Variants in KDR observed in about 807,000 individuals in gnomAD.
The protein encoded by KDR is vascular endothelial growth factor receptor 2.
A neutral mutation model predicts 160.9 loss-of-function variants in KDR; 43 were observed. That is an observed-to-expected ratio of 0.27 (90% CI 0.21 to 0.34). The LOEUF (loss-of-function observed/expected upper bound fraction) is 0.34, where lower values mean the gene tolerates loss of function less well. Among genes scored for constraint, KDR ranks in the 10% least tolerant of loss-of-function variants. The pLI, the probability that KDR is intolerant of heterozygous loss-of-function variation, is 1.00. For synonymous variants in KDR, 617 were observed against 600.1 expected (o/e 1.03, Z -0.41); for missense variants, 1,469 against 1,666.4 (o/e 0.88, Z 2.06).
chr4:55,110,176 G>T (rs765605761), intron 9 of KDR, among the ~76,000 whole-genome samples: 20 of 152,122 alleles, frequency 1.3e-4, no homozygotes, highest in Non-Finnish European at 2.9e-4. Flanking sequence ...CTTTAATCTT[G>T]CATTTGTCCA....
At chr4:55,096,835 G>A (rs1419807992) in intron 18 of KDR, 1 of 199,254 alleles carries the variant, frequency 5.0e-6, no homozygotes, top group Non-Finnish European at 1.0e-5. Flanking sequence ...TGGCACATGA[G>A]GCTGATGGCA....
intron 18 of KDR, chr4:55,096,858 G>T: frequency 5.4e-6 from 1 of 184,806 alleles, no homozygotes; most frequent in Admixed American, 5.3e-5. Flanking sequence ...AAGACTATGT[G>T]TTTGATCCTG....
At chr4:55,125,152 G>C in intron 1 of KDR, 75 bp downstream of exon 1, 1 of 1,336,620 alleles carries the variant, frequency 7.5e-7, no homozygotes, top group Non-Finnish European at 1.1e-6. Context: ...ACGATTCCGA[G>C]TTAGATCTGG....
At chr4:55,121,332 C>T (rs540010833) in intron 1 of KDR, 142 bp from the exon 2 acceptor site, 9 of 671,816 alleles carry the variant, frequency 1.3e-5, no homozygotes, top group Middle Eastern at 7.1e-4. Flanking sequence ...TACTTTTCAC[C>T]ATTCTCAGTA....
chr4:55,121,234 G>A (rs1409493841), intron 1 of KDR, 44 bp from the exon 2 acceptor site: 5 of 1,372,708 alleles, frequency 3.6e-6, no homozygotes, highest in Non-Finnish European at 5.2e-6. Flanking sequence ...CACTGAGTTA[G>A]ACCTAATAGG....
Position 55,106,031 on chromosome 4 carries a change from C to T in KDR, c.1537-91G>A, listed in dbSNP as rs1228330694. ...CCAGCAGTCTCCACAATCACTCCAA[C>T]CTGCCTATGCCATTCCCACTTCTGC... On this transcript the variant is annotated intron_variant, in intron 11 of 29. Coordinates refer to ENST00000263923, the MANE Select transcript of KDR (RefSeq NM_002253.4). 7 of 817,448 alleles carry T rather than the reference C, an allele frequency of 8.6e-6. No homozygotes were observed. The East Asian group carries it at 1.7e-4, about 20-fold the overall frequency. The allele number at this position is 817,448 out of a possible 1,614,324, so 50.6% of individuals were successfully genotyped here.
rs1342245723 is a variant in KDR, at chr4:55,118,594, C to A, written c.358+10G>T. On this transcript the variant is annotated intron_variant, in intron 3 of 29. Coordinates refer to ENST00000263923, the MANE Select transcript of KDR (RefSeq NM_002253.4). ...GAGACGTGGGAAATGAATTTTATTT[C>A]ACCACTTACCTTGAACATAGACATA... 6.2e-7 allele frequency: 1 copy of A among 1,606,290 alleles called. No individual in the cohort carries two copies. The highest frequency in any genetic ancestry group is 8.5e-7 in the Non-Finnish European group (1 of 1,172,834).
At position 55,089,722 on chromosome 4, in the gene KDR, A is replaced by G. The variant is rs150647161; in HGVS notation, c.3273T>C (p.Phe1091=). 11 of 1,614,078 alleles carry G rather than the reference A, an allele frequency of 6.8e-6. No individual in the cohort carries two copies. In the African/African-American group the frequency reaches 1.3e-4, roughly 20 times the overall value. ...AAAATATTTCCCACAGCAAAACACCAAAAGACCAGACGTCACTCTGGATTG... is the reference window on the plus strand; with the variant it reads ...AAAATATTTCCCACAGCAAAACACCGAAAGACCAGACGTCACTCTGGATTG... ...VYTIQSDVWS[F]GVLLWEIFSL... The change falls in exon 24 of 30, where the codon TTT becomes TTC. Residue 1091 remains phenylalanine, a synonymous_variant. Coordinates refer to ENST00000263923, the MANE Select transcript of KDR (RefSeq NM_002253.4).
chr4:55,120,807 C>T (rs1720849636), intron 2 of KDR, among the ~76,000 whole-genome samples: 1 of 151,310 alleles, frequency 6.6e-6, no homozygotes, highest in Non-Finnish European at 1.5e-5. Context: ...CGCCAGGTGG[C>T]TGTACTGGTT....
At chr4:55,116,435 AAG>A (rs1252673584) in intron 3 of KDR, among the ~76,000 whole-genome samples, 2 of 148,654 alleles carry the variant, frequency 1.3e-5, no homozygotes, top group Non-Finnish European at 3.0e-5. Flanking sequence ...AAAAAAAAAA[AAG>A]ATTTCAAGGC....
chr4:55,081,552 T>C (rs1248945080), intron 29 of KDR, among the ~76,000 whole-genome samples: 1 of 152,214 alleles, frequency 6.6e-6, no homozygotes, highest in African/African-American at 2.4e-5. Context: ...TTGGCTTATT[T>C]ATATATCATA....
chr4:55,115,999 A>G (rs929669150), intron 3 of KDR, among the ~76,000 whole-genome samples: 2 of 152,232 alleles, frequency 1.3e-5, no homozygotes, highest in African/African-American at 2.4e-5. Flanking sequence ...TCTGAAGACT[A>G]GGGATATGAT....
chr4:55,094,856 C>T lies in KDR; in HGVS notation c.2917G>A (p.Ala973Thr), dbSNP rs868853292. Residue 973 changes from alanine to threonine, a missense_variant, in exon 21 of 30, where the codon GCC (alanine) becomes ACC (threonine). This residue lies in a region of KDR where 151 missense variants were observed against 207.2 expected (regional missense o/e 0.73). Transcript: ENST00000263923. ...TTCTCCTCCACAAATCCAGAGCTGG[C>T]TGAGCTCTGGCTACTGGTGATGCTG... Reference protein sequence around the residue: ...LDSITSSQSSASSGFVEEKSL... With the variant: ...LDSITSSQSSTSSGFVEEKSL... The T allele has an allele frequency of 6.2e-7, 1 of 1,613,688 alleles. No homozygotes were observed. Among genetic ancestry groups the T allele is most frequent in the Admixed American group, 1.7e-5 (1 of 60,010 alleles).
In KDR at chr4:55,094,830, C is replaced by A. The variant is rs2110015077; in HGVS notation, c.2943G>T (p.Lys981Asn). 1 of 1,614,012 alleles carries A rather than the reference C, an allele frequency of 6.2e-7. No individual in the cohort carries two copies. Among genetic ancestry groups the A allele is most frequent in the Non-Finnish European group, 8.5e-7 (1 of 1,179,906 alleles). The stretch of plus-strand genomic sequence containing the variant: ...CCTCTTCTTCTACATCACTGAGGGA[C>A]TTCTCCTCCACAAATCCAGAGCTGG... Reference protein sequence around the residue: ...SSASSGFVEEKSLSDVEEEEA... With the variant: ...SSASSGFVEENSLSDVEEEEA... The change falls in exon 21 of 30, where the codon AAG becomes AAT. Residue 981 changes from lysine (K) to asparagine (N), a missense_variant. Physicochemically the swap from Lys to Asn is moderately conservative, Grantham distance 94. Coordinates refer to ENST00000263923, the MANE Select transcript of KDR (RefSeq NM_002253.4).
At chr4:55,099,512 T>C (rs1248582282) in intron 15 of KDR, among the ~76,000 whole-genome samples, 2 of 152,198 alleles carry the variant, frequency 1.3e-5, no homozygotes, top group Admixed American at 6.5e-5. Context: ...AAAATATTTC[T>C]ATTTGAGGAA....
intron 27 of KDR, among the ~76,000 whole-genome samples, chr4:55,083,797 T>C (rs1578125623): frequency 6.6e-6 from 1 of 152,204 alleles, no homozygotes; most frequent in Non-Finnish European, 1.5e-5. Context: ...AAGAGGCTGG[T>C]TCCTCCCTAT....
In KDR at chr4:55,080,055, G is replaced by A. The variant is rs777246485; in HGVS notation, c.3957C>T (p.Tyr1319=). ...TTAAAAGTTCTGCTTCCTCACTGGA[G>A]TACACGGTGGTGTCTGTGTCATCGG... ...YHSDDTDTTV[Y]SSEEAELLKL... The change falls in exon 30 of 30, where the codon TAC becomes TAT. Residue 1319 remains tyrosine, a synonymous_variant. Coordinates refer to ENST00000263923, the MANE Select transcript of KDR (RefSeq NM_002253.4). 3 of 1,614,170 alleles carry A rather than the reference G, an allele frequency of 1.9e-6. No individual in the cohort carries two copies. Among genetic ancestry groups the A allele is most frequent in the South Asian group, 2.2e-5 (2 of 91,074 alleles).
intron 6 of KDR, among the ~76,000 whole-genome samples, chr4:55,113,917 C>T (rs924329312): frequency 1.3e-5 from 2 of 152,156 alleles, no homozygotes; most frequent in African/African-American, 4.8e-5. Flanking sequence ...GACAAAATTC[C>T]TGGTATTTCA....
chr4:55,090,822 G>T (rs1209134459), intron 22 of KDR, among the ~76,000 whole-genome samples: 1 of 142,006 alleles, frequency 7.0e-6, no homozygotes, highest in African/African-American at 2.6e-5. Context: ...GGGAGCACAA[G>T]AAATGAATCA....
Sources: allele counts gnomAD v4.1 joint callset (sites outside exome capture counted in the v4.1 genomes callset), GRCh38; gene constraint gnomAD v4.1.1; regional missense constraint gnomAD v4.1.1; transcripts MANE v1.5; gene names NCBI Gene and HGNC (gene_info 2026-07-23, HGNC 2026-07-21).